The following SORCS3 variants were observed in gnomAD, a reference collection of about 807,000 sequenced individuals.
SORCS3 encodes VPS10 domain-containing receptor SorCS3.
In SORCS3, 57 loss-of-function variants were observed where a neutral mutation model predicts 146.3. The ratio of observed to expected loss-of-function variants is 0.39; its 90% CI spans 0.31 to 0.49. SORCS3 has a LOEUF of 0.49. Among genes scored for constraint, SORCS3 ranks in the 20% least tolerant of loss-of-function variants. The pLI is 0.92. For missense variants in SORCS3, 1,341 were observed against 1,575.5 expected (o/e 0.85, Z 2.52); for synonymous variants, 653 against 618.5 (o/e 1.06, Z -0.83).
intron 1 of SORCS3, among the ~76,000 whole-genome samples, chr10:104,715,285 A>G (rs1172927713): frequency 6.6e-6 from 1 of 152,154 alleles, no homozygotes; most frequent in African/African-American, 2.4e-5. Flanking sequence ...AAATAGAACA[A>G]AAAGGAGGAG....
intron 19 of SORCS3, among the ~76,000 whole-genome samples, chr10:105,220,994 A>T (rs933835009): frequency 1.3e-5 from 2 of 152,172 alleles, no homozygotes; most frequent in South Asian, 2.1e-4. Context: ...TTGAGATGCC[A>T]TATGTTTGGG....
chr10:104,865,981 T>A (rs1343962956), intron 2 of SORCS3, among the ~76,000 whole-genome samples: 2 of 152,200 alleles, frequency 1.3e-5, no homozygotes, highest in African/African-American at 2.4e-5. Flanking sequence ...TTCCCCATAT[T>A]CGTCAGCTGT....
At chr10:105,191,960 C>G (rs189154578) in intron 14 of SORCS3, among the ~76,000 whole-genome samples, 242 of 152,196 alleles carry the variant, frequency 1.6e-3, no homozygotes, top group African/African-American at 5.7e-3. Flanking sequence ...TTTCAAAGAG[C>G]TGATTATCAT....
intron 1 of SORCS3, among the ~76,000 whole-genome samples, chr10:104,797,205 GC>G (rs2017567030): frequency 6.6e-6 from 1 of 152,160 alleles, no homozygotes; most frequent in East Asian, 1.9e-4. Context: ...AAGAATATTT[GC>G]AGTTTTAAAA....
At chr10:105,236,533 G>A (rs2056793967) in intron 20 of SORCS3, among the ~76,000 whole-genome samples, 1 of 152,096 alleles carries the variant, frequency 6.6e-6, no homozygotes, top group Non-Finnish European at 1.5e-5. Context: ...TCATTTACCT[G>A]ATGATGATCT....
chr10:105,001,779 G>A (rs370181697), intron 4 of SORCS3, among the ~76,000 whole-genome samples: 100 of 152,302 alleles, frequency 6.6e-4, no homozygotes, highest in African/African-American at 2.4e-3. Flanking sequence ...ACACAGACAA[G>A]TTATTTTGTA....
chr10:105,109,396 T>C (rs1158880721), intron 7 of SORCS3, among the ~76,000 whole-genome samples: 3 of 152,136 alleles, frequency 2.0e-5, no homozygotes, highest in Non-Finnish European at 1.5e-5. Flanking sequence ...AGCATGAACA[T>C]TCTACTCTGC....
At chr10:104,905,135 T>C (rs2018892452) in intron 2 of SORCS3, among the ~76,000 whole-genome samples, 1 of 152,176 alleles carries the variant, frequency 6.6e-6, no homozygotes, top group African/African-American at 2.4e-5. Context: ...GTGTAGAATG[T>C]AGGATCCAAT....
intron 6 of SORCS3, among the ~76,000 whole-genome samples, chr10:105,101,502 G>A (rs1017583202): frequency 3.3e-5 from 5 of 152,164 alleles, no homozygotes; most frequent in Non-Finnish European, 5.9e-5. Context: ...CAAATTTTCA[G>A]TGATTTTCAA....
intron 1 of SORCS3, among the ~76,000 whole-genome samples, chr10:104,733,093 A>C (rs1343916777): frequency 6.6e-6 from 1 of 152,184 alleles, no homozygotes; most frequent in East Asian, 1.9e-4. Flanking sequence ...GGGCATAAGC[A>C]AAAAAATAAT....
At chr10:104,965,797 A>AT (rs2054823252) in intron 3 of SORCS3, among the ~76,000 whole-genome samples, 1 of 151,680 alleles carries the variant, frequency 6.6e-6, no homozygotes, top group South Asian at 2.1e-4. Flanking sequence ...TTGTACTTTA[A>AT]TTTTTTTTCT....
chr10:105,038,296 G>C (rs958675814), intron 4 of SORCS3, among the ~76,000 whole-genome samples: 1 of 152,182 alleles, frequency 6.6e-6, no homozygotes, highest in Non-Finnish European at 1.5e-5. Context: ...AATGTTGCAT[G>C]AAACATGTTG....
intron 16 of SORCS3, among the ~76,000 whole-genome samples, chr10:105,204,097 A>G (rs950448723): frequency 2.6e-5 from 4 of 152,090 alleles, no homozygotes; most frequent in Non-Finnish European, 5.9e-5. Flanking sequence ...GGGAGCCTTT[A>G]CACGGCCTTC....
At chr10:104,833,559 C>T (rs1204784282) in intron 1 of SORCS3, among the ~76,000 whole-genome samples, 1 of 152,156 alleles carries the variant, frequency 6.6e-6, no homozygotes, top group East Asian at 1.9e-4. Flanking sequence ...CTATAGTAAA[C>T]ACCACGTGGT....
chr10:105,045,960 A>G (rs901953950), intron 5 of SORCS3, among the ~76,000 whole-genome samples: 11 of 152,138 alleles, frequency 7.2e-5, no homozygotes, highest in Non-Finnish European at 1.5e-4. Flanking sequence ...AATGGGTCTG[A>G]TTTATTGCCA....
In SORCS3 at chr10:104,647,770, G is replaced by A. The variant is rs534453697; in HGVS notation, c.627+5816G>A. Reference sequence around the variant, plus strand: ...ATAACACTGAGTTTAGACAACTGGTGTATTATTTCATGTATGAATGTTAAC... The same window carrying A: ...ATAACACTGAGTTTAGACAACTGGTATATTATTTCATGTATGAATGTTAAC... On this transcript the variant is annotated intron_variant, in intron 1 of 26. Transcript: ENST00000369701. Among the ~76,000 whole-genome samples the A allele has an allele frequency of 2.0e-5, 3 of 152,312 alleles. No individual in the cohort carries two copies. In the South Asian group the frequency reaches 6.2e-4, roughly 32 times the overall value.
chr10:104,792,857 A>G (rs2017510563), intron 1 of SORCS3, among the ~76,000 whole-genome samples: 1 of 151,166 alleles, frequency 6.6e-6, no homozygotes, highest in African/African-American at 2.4e-5. Context: ...CCCCAGGAAG[A>G]CTCCTTGAGT....
intron 1 of SORCS3, among the ~76,000 whole-genome samples, chr10:104,735,473 T>TTTTTTTTTTTTTTTTTTTTTTTTC (rs2016759538): frequency 7.0e-6 from 1 of 143,316 alleles, no homozygotes. Context: ...TTTTTTTTTT[T>TTTTTTTTTTTTTTTTTTTTTTTTC]TTTTAATCAA....
intron 14 of SORCS3, among the ~76,000 whole-genome samples, chr10:105,182,252 T>TTTTTTTTTTTTTTTG (rs2056447460): frequency 7.1e-6 from 1 of 140,998 alleles, no homozygotes; most frequent in Non-Finnish European, 1.5e-5. Flanking sequence ...TTTTTTTTTT[T>TTTTTTTTTTTTTTTG]TGTGCCAGGT....
Sources: gnomAD v4.1 joint callset for allele counts (sites outside exome capture counted in the v4.1 genomes callset) on GRCh38, gnomAD v4.1.1 for gene constraint, MANE v1.5 for transcripts, NCBI Gene and HGNC (gene_info 2026-07-23, HGNC 2026-07-21) for gene names.